The following TNFRSF25 variants were observed in gnomAD, a reference collection of about 807,000 sequenced individuals.
The protein encoded by TNFRSF25 is TNF receptor superfamily member 25.
In TNFRSF25, 28 loss-of-function variants were observed where a neutral mutation model predicts 49.4. The observed-to-expected ratio is 0.57, with a 90% confidence interval of 0.42 to 0.78. The LOEUF is 0.78. Among genes scored for constraint, TNFRSF25 ranks in the 30% least tolerant of loss-of-function variants. TNFRSF25 has a pLI of 0.00. For missense variants in TNFRSF25, 531 were observed against 581.6 expected, an observed-to-expected ratio of 0.91 and a Z score of 0.90; for synonymous variants, 240 against 234.2, an observed-to-expected ratio of 1.02 and a Z score of -0.23.
chr1:6,464,522 G>C, intron 4 of TNFRSF25, 30 bp downstream of exon 4: 1 of 1,613,694 alleles, frequency 6.2e-7, no homozygotes, highest in Non-Finnish European at 8.5e-7. Flanking sequence ...GGGGGTCTGG[G>C]AGTAGAGAGC....
At position 6,462,354 on chromosome 1, in the gene TNFRSF25, C is replaced by A; in HGVS notation, c.745-180G>T. 1 of 1,137,358 alleles carries A rather than the reference C, an allele frequency of 8.8e-7. No homozygotes were observed. Among genetic ancestry groups the A allele is most frequent in the Non-Finnish European group, 1.2e-6 (1 of 827,388 alleles). The allele number at this position is 1,137,358 out of a possible 1,614,324, so 70.5% of individuals were successfully genotyped here. On this transcript the variant is annotated intron_variant, in intron 8 of 9. Coordinates refer to ENST00000356876, the MANE Select transcript of TNFRSF25 (RefSeq NM_003790.3). The surrounding 1 kb of genome is among the most constrained non-coding windows in gnomAD (Gnocchi z 4.2). ...CAGAACTCTTGCTTCTGCCTTGAGT[C>A]CCCTGCCCCCGCCTCCTTCCTCTTG...
rs1644236935 is a variant in TNFRSF25 at position 6,463,382 on chromosome 1, G to C, written c.543-255C>G. 5 of 582,246 alleles carry C rather than the reference G, an allele frequency of 8.6e-6. No individual in the cohort carries two copies. In the South Asian group the frequency reaches 1.0e-4, roughly 12 times the overall value. The allele number at this position is 582,246 out of a possible 1,614,324, so 36.1% of individuals were successfully genotyped here. On this transcript the variant is annotated intron_variant, in intron 5 of 9. Transcript: ENST00000356876. The stretch of plus-strand genomic sequence containing the variant: ...GATTTTGCCTATTTTGTCCCCTGTT[G>C]CATCCCCAGCACCTAGAACAGTGTG...
In TNFRSF25 at chr1:6,462,547, C is replaced by A. The variant is rs1057145592; in HGVS notation, c.744+82G>T. On this transcript the variant is annotated intron_variant, in intron 8 of 9. Coordinates refer to ENST00000356876, the MANE Select transcript of TNFRSF25 (RefSeq NM_003790.3). This position sits in a 1 kb window ranked among gnomAD's most constrained non-coding sequence, Gnocchi z 4.2. ...CACTAGGGCTACCCGGTGCTGGCCG[C>A]GTGCCAAGCTCCAGGGATCATAGTA... 6.8e-5 allele frequency: 106 copies of A among 1,564,450 alleles called. No individual in the cohort carries two copies. The highest frequency in any genetic ancestry group is 8.6e-5 in the Non-Finnish European group (99 of 1,156,498).
In TNFRSF25 at chr1:6,461,423, T is replaced by G; in HGVS notation, c.*11A>C. On this transcript the variant is annotated 3_prime_UTR_variant, in exon 10 of 10. Coordinates refer to ENST00000356876, the MANE Select transcript of TNFRSF25 (RefSeq NM_003790.3). This position sits in a 1 kb window ranked among gnomAD's most constrained non-coding sequence, Gnocchi z 6.3. The stretch of plus-strand genomic sequence containing the variant: ...GCCACCAGAGCGCCTAGGTGGCAAG[T>G]GGGCGCCGTGTCACGGGCCGCGCTG... 2.0e-6 allele frequency: 3 copies of G among 1,490,126 alleles called. No homozygotes were observed. The highest frequency in any genetic ancestry group is 2.7e-6 in the Non-Finnish European group (3 of 1,121,402). 92.3% of individuals were successfully genotyped at this position (1,490,126 alleles called of 1,614,324 possible). A position where few individuals can be genotyped will look rare whatever the true frequency, so the allele number is the denominator to read the frequency against.
In TNFRSF25 at chr1:6,462,339, G is replaced by GA; in HGVS notation, c.745-166_745-165insT. Reference sequence around the variant, plus strand: ...CTCACTGTAGCCCAGCAGAACTCTTGCTTCTGCCTTGAGTCCCCTGCCCCC... The same window carrying GA: ...CTCACTGTAGCCCAGCAGAACTCTTGACTTCTGCCTTGAGTCCCCTGCCCCC... On this transcript the variant is annotated intron_variant, in intron 8 of 9. Transcript: ENST00000356876. The surrounding 1 kb of genome is among the most constrained non-coding windows in gnomAD (Gnocchi z 4.2). 1.7e-6 allele frequency: 2 copies of GA among 1,165,558 alleles called. No homozygotes were observed. Among genetic ancestry groups the GA allele is most frequent in the Non-Finnish European group, 2.3e-6 (2 of 851,394 alleles). The allele number at this position is 1,165,558 out of a possible 1,614,324, so 72.2% of individuals were successfully genotyped here. A position where few individuals can be genotyped will look rare whatever the true frequency, so the allele number is the denominator to read the frequency against.
chr1:6,465,951 G>A (rs2148567852), intron 1 of TNFRSF25, 118 bp downstream of exon 1: 1 of 1,462,710 alleles, frequency 6.8e-7, no homozygotes, highest in Admixed American at 2.6e-5. Context: ...ATCGGAAAGG[G>A]CGGCCAACCC....
intron 3 of TNFRSF25, 81 bp from the exon 4 acceptor site, chr1:6,464,800 A>G: frequency 1.3e-6 from 2 of 1,491,196 alleles, no homozygotes; most frequent in South Asian, 1.2e-5. Flanking sequence ...GCATTATCCC[A>G]AGATAATGGA....
chr1:6,465,152 G>T lies in TNFRSF25; in HGVS notation c.231C>A (p.Thr77=). 7 of 1,613,960 alleles carry T rather than the reference G, an allele frequency of 4.3e-6. No homozygotes were observed. The highest frequency in any genetic ancestry group is 5.9e-6 in the Non-Finnish European group (7 of 1,179,992). Reference sequence around the variant, plus strand: ...TATGGTGGTTCTCCCAGGCCAAGAAGGTGTCTTGGGGACACACAAGGCAGG... The same window carrying T: ...TATGGTGGTTCTCCCAGGCCAAGAATGTGTCTTGGGGACACACAAGGCAGG... ...NSTCLVCPQD[T]FLAWENHHNS... is the part of the protein sequence containing the mutation. The change falls in exon 3 of 10, where the codon ACC becomes ACA. Residue 77 remains threonine (T), a synonymous_variant. Coordinates refer to ENST00000356876, the MANE Select transcript of TNFRSF25 (RefSeq NM_003790.3).
In TNFRSF25 at chr1:6,466,082, G is replaced by T. The variant is rs1435526811; in HGVS notation, c.26C>A (p.Ala9Glu). 2 of 1,576,156 alleles carry T rather than the reference G, an allele frequency of 1.3e-6. No individual in the cohort carries two copies. Among genetic ancestry groups the T allele is most frequent in the East Asian group, 2.5e-5 (1 of 40,102 alleles). MEQRPRGC[A>E]AVAAALLLVL... ...GTCTCAACTCACCGCCGCCACCGCC[G>T]CGCAGCCCCGCGGCCGCTGCTCCAT... The change falls in exon 1 of 10, where the codon GCG becomes GAG. Residue 9 changes from alanine (A) to glutamate (E), a missense_variant. By Grantham distance (107) the Ala-to-Glu change is moderately radical. Transcript: ENST00000356876.
Position 6,462,773 on chromosome 1 carries a change from G to A in TNFRSF25, c.706+90C>T. ...TCTGCACCCCACACTCCCTGCCTCA[G>A]TTTCCCCTTCTGTATCAGGGTTGAG... is the stretch of plus-strand genomic sequence containing the variant. On this transcript the variant is annotated intron_variant, in intron 7 of 9. Coordinates refer to ENST00000356876, the MANE Select transcript of TNFRSF25 (RefSeq NM_003790.3). This position sits in a 1 kb window ranked among gnomAD's most constrained non-coding sequence, Gnocchi z 4.2. 1 of 1,571,406 alleles carries A rather than the reference G, an allele frequency of 6.4e-7. No individual in the cohort carries two copies. The highest frequency in any genetic ancestry group is 1.2e-5 in the South Asian group (1 of 84,606).
In TNFRSF25 at chr1:6,466,054, T is replaced by A. The variant is rs781699644; in HGVS notation, c.39+15A>T. ...GGGCTCAAAGCTGCCCCTAGCCTCC[T>A]GCGTCTCAACTCACCGCCGCCACCG... On this transcript the variant is annotated intron_variant, in intron 1 of 9. Transcript: ENST00000356876. 6.3e-7 allele frequency: 1 copy of A among 1,581,592 alleles called. No individual in the cohort carries two copies. Among genetic ancestry groups the A allele is most frequent in the Non-Finnish European group, 8.6e-7 (1 of 1,166,056 alleles).
intron 3 of TNFRSF25, 109 bp downstream of exon 3, chr1:6,464,979 A>T: frequency 6.7e-7 from 1 of 1,486,674 alleles, no homozygotes; most frequent in Middle Eastern, 2.2e-4. Flanking sequence ...GGGTTCTGGC[A>T]AGGGTGGGTG....
intron 1 of TNFRSF25, 152 bp from the exon 2 acceptor site, chr1:6,465,712 AAACT>A: frequency 6.9e-7 from 1 of 1,438,864 alleles, no homozygotes; most frequent in Non-Finnish European, 9.1e-7. Context: ...GGTGGAGAGG[AAACT>A]AACTTCCTTC....
Position 6,461,445 on chromosome 1 carries a change from G to C in TNFRSF25, c.1243C>G (p.Arg415Gly), listed in dbSNP as rs749965999. Residue 415 changes from arginine to glycine, a missense_variant, in exon 10 of 10, where the codon CGC (arginine) becomes GGC (glycine). Physicochemically the swap from Arg to Gly is moderately radical, Grantham distance 125. Coordinates refer to ENST00000356876, the MANE Select transcript of TNFRSF25 (RefSeq NM_003790.3). The surrounding 1 kb of genome is among the most constrained non-coding windows in gnomAD (Gnocchi z 6.3). ...CVEDLRSRLQ[R>G]GP ...AAGTGGGCGCCGTGTCACGGGCCGC[G>C]CTGCAGGCGGCTGCGCAAGTCTTCC... 2.1e-5 allele frequency: 32 copies of C among 1,517,724 alleles called. No individual in the cohort carries two copies. The highest frequency in any genetic ancestry group is 2.7e-5 in the Non-Finnish European group (31 of 1,134,636). The allele number at this position is 1,517,724 out of a possible 1,614,324, so 94.0% of individuals were successfully genotyped here. A position where few individuals can be genotyped will look rare whatever the true frequency, so the allele number is the denominator to read the frequency against.
At position 6,463,113 on chromosome 1, in the gene TNFRSF25, C is replaced by G. The variant is rs1372997686; in HGVS notation, c.557G>C (p.Ser186Thr). The change falls in exon 6 of 10, where the codon AGC becomes ACC. Residue 186 changes from serine to threonine, a missense_variant. Transcript: ENST00000356876. ...CVSCPTSTLG[S>T]CPERCAAVCG... ...GACAGCGGCACAGCGCTCTGGACAGCTCCCCAGGGTGCTCCTGCAAGGGAC... is the reference window on the plus strand; with the variant it reads ...GACAGCGGCACAGCGCTCTGGACAGGTCCCCAGGGTGCTCCTGCAAGGGAC... The G allele has an allele frequency of 6.4e-7, 1 of 1,551,634 alleles. No individual in the cohort carries two copies. The highest frequency in any genetic ancestry group is 8.7e-7 in the Non-Finnish European group (1 of 1,146,996).
At position 6,461,716 on chromosome 1, in the gene TNFRSF25, C is replaced by T; in HGVS notation, c.972G>A (p.Ser324=). ...GGCCCGGCTGCAGCATCATGGCTGG[C>T]GAGCCGGCTGGGGACTCTGGCGAGA... is the stretch of plus-strand genomic sequence containing the variant. ...PTLSPESPAG[S]PAMMLQPGPQ... is the part of the protein sequence containing the mutation. The change falls in exon 10 of 10, where the codon TCG becomes TCA. Residue 324 remains serine (S), a synonymous_variant. Coordinates refer to ENST00000356876, the MANE Select transcript of TNFRSF25 (RefSeq NM_003790.3). This position sits in a 1 kb window ranked among gnomAD's most constrained non-coding sequence, Gnocchi z 6.3. The T allele has an allele frequency of 6.4e-7, 1 of 1,557,676 alleles. No homozygotes were observed. Among genetic ancestry groups the T allele is most frequent in the Admixed American group, 1.9e-5 (1 of 53,724 alleles).
chr1:6,464,857 A>G (rs921364942), intron 3 of TNFRSF25, 138 bp from the exon 4 acceptor site: 4 of 1,252,070 alleles, frequency 3.2e-6, no homozygotes, highest in Non-Finnish European at 4.4e-6. Flanking sequence ...ACCCTAAAAA[A>G]GAGAGAAGCT....
chr1:6,461,114 C>CTT lies in TNFRSF25; in HGVS notation c.*318_*319dup. On this transcript the variant is annotated 3_prime_UTR_variant, in exon 10 of 10. Transcript: ENST00000356876. This position sits in a 1 kb window ranked among gnomAD's most constrained non-coding sequence, Gnocchi z 6.3. ...AATCCCTCGAGAAAAGTCCAGTCCA[C>CTT]TTAACACCCCAGCCCCGCAGAAACG... The CTT allele has an allele frequency of 1.7e-6, 1 of 579,222 alleles. No homozygotes were observed. Among genetic ancestry groups the CTT allele is most frequent in the Admixed American group, 2.2e-5 (1 of 45,548 alleles). The allele number at this position is 579,222 out of a possible 1,614,324, so 35.9% of individuals were successfully genotyped here.
In TNFRSF25 at chr1:6,461,608, C is replaced by T. The variant is rs369877435; in HGVS notation, c.1080G>A (p.Glu360=). Residue 360 remains glutamate (E), a synonymous_variant, in exon 10 of 10, where the codon GAG becomes GAA. Transcript: ENST00000356876. The surrounding 1 kb of genome is among the most constrained non-coding windows in gnomAD (Gnocchi z 6.3). The part of the protein sequence containing the change: ...FVRTLGLREA[E]IEAVEVEIGR... ...CGATCTCCACCTCCACGGCTTCGAT[C>T]TCTGCCTCGCGCAGCCCCAGCGTGC... 1.7e-5 allele frequency: 28 copies of T among 1,609,792 alleles called. No homozygotes were observed. Among genetic ancestry groups the T allele is most frequent in the African/African-American group, 2.7e-5 (2 of 74,898 alleles).
Sources: gnomAD v4.1 joint callset for allele counts on GRCh38, gnomAD v4.1.1 for gene constraint, Gnocchi (gnomAD v3.1) non-coding constraint, MANE v1.5 for transcripts, NCBI Gene and HGNC (gene_info 2026-07-23, HGNC 2026-07-21) for gene names.